TTC28: variants seen among roughly 807,000 people sequenced by gnomAD.
TTC28 encodes tetratricopeptide repeat protein 28.
In TTC28, 61 loss-of-function variants were observed where a neutral mutation model predicts 198.0. The observed-to-expected ratio is 0.31, with a 90% CI of 0.25 to 0.38. TTC28 has a LOEUF of 0.38. TTC28 is among the 10% of genes least tolerant of loss of function. The pLI, the probability that TTC28 is intolerant of heterozygous loss-of-function variation, is 1.00. For synonymous variants in TTC28, 1,171 were observed against 1,297.8 expected, an observed-to-expected ratio of 0.90 and a Z score of 2.10; for missense variants, 2,678 against 3,164.0, an observed-to-expected ratio of 0.85 and a Z score of 3.69.
intron 18 of TTC28, chr22:27,992,961 C>T (rs997073906): frequency 2.0e-5 from 11 of 556,958 alleles, no homozygotes; most frequent in Middle Eastern, 4.7e-4. Flanking sequence ...TGGGGTTGGC[C>T]GCACAGCTTC....
intron 12 of TTC28, among the ~76,000 whole-genome samples, chr22:28,058,921 T>C (rs998397992): frequency 1.3e-5 from 2 of 152,128 alleles, no homozygotes; most frequent in Non-Finnish European, 2.9e-5. Flanking sequence ...ATCCTTGTTA[T>C]GTCCATAAGA....
At chr22:28,662,333 T>C (rs75413703) in intron 1 of TTC28, among the ~76,000 whole-genome samples, 5,749 of 152,278 alleles carry the variant, frequency 0.038, 206 homozygotes, top group East Asian at 0.17. Flanking sequence ...TTAGTGATCA[T>C]ACAAATCAAA....
chr22:28,019,398 G>A (rs1938503520), intron 13 of TTC28, among the ~76,000 whole-genome samples: 1 of 152,184 alleles, frequency 6.6e-6, no homozygotes, highest in Non-Finnish European at 1.5e-5. Context: ...CATCAGGCAT[G>A]GGACAGTTAG....
At chr22:28,090,887 T>C (rs909434391) in intron 12 of TTC28, among the ~76,000 whole-genome samples, 1 of 152,086 alleles carries the variant, frequency 6.6e-6, no homozygotes, top group Non-Finnish European at 1.5e-5. Context: ...GAGTTTAAGC[T>C]CACAAAATAT....
chr22:28,637,971 TTTAA>T (rs1352322228), intron 1 of TTC28, among the ~76,000 whole-genome samples: 2 of 152,290 alleles, frequency 1.3e-5, no homozygotes, highest in East Asian at 3.9e-4. Flanking sequence ...AAAATAATTG[TTTAA>T]TTATAAAAAG....
chr22:28,282,217 T>G (rs2044597048), intron 5 of TTC28, among the ~76,000 whole-genome samples: 1 of 152,234 alleles, frequency 6.6e-6, no homozygotes, highest in Non-Finnish European at 1.5e-5. Flanking sequence ...GTTATGTGGC[T>G]GTGCTGATAT....
At chr22:28,330,040 G>A (rs918371805) in intron 2 of TTC28, among the ~76,000 whole-genome samples, 1 of 152,170 alleles carries the variant, frequency 6.6e-6, no homozygotes, top group East Asian at 1.9e-4. Flanking sequence ...AGTCCTACTG[G>A]TGATGCATTC....
intron 2 of TTC28, among the ~76,000 whole-genome samples, chr22:28,555,745 C>T (rs191778782): frequency 2.7e-4 from 41 of 152,118 alleles, no homozygotes; most frequent in East Asian, 5.8e-4. Context: ...GCATGCTGCT[C>T]GGGCGATGGG....
At chr22:27,999,320 A>C in intron 15 of TTC28, 60 bp from the exon 16 acceptor site, 1 of 1,490,328 alleles carries the variant, frequency 6.7e-7, no homozygotes, top group Non-Finnish European at 9.0e-7. Context: ...GCTGCCCGGC[A>C]GTGGTCGGCC....
At chr22:28,308,567 T>C (rs2045190131) in intron 2 of TTC28, among the ~76,000 whole-genome samples, 1 of 152,108 alleles carries the variant, frequency 6.6e-6, no homozygotes, top group East Asian at 1.9e-4. Flanking sequence ...GTCTGCCAAA[T>C]AAAAGCACTG....
intron 2 of TTC28, among the ~76,000 whole-genome samples, chr22:28,409,984 C>T (rs966109033): frequency 2.0e-5 from 3 of 151,784 alleles, no homozygotes; most frequent in East Asian, 1.9e-4. Context: ...TGCAGCAGCA[C>T]GATCTCAGTT....
In TTC28 at chr22:27,983,549, G is replaced by T; in HGVS notation, c.6118C>A (p.Gln2040Lys). Residue 2040 changes from glutamine to lysine, a missense_variant, in exon 23 of 23, where the codon CAG becomes AAG. This residue lies in a region of TTC28 where 622 missense variants were observed against 656.0 expected (regional missense o/e 0.95). Coordinates refer to ENST00000397906, the MANE Select transcript of TTC28 (RefSeq NM_001145418.2). ...YLQRSTLPRS[Q>K]LPPQTRPAGN... is the part of the protein sequence containing the mutation. The stretch of plus-strand genomic sequence containing the variant: ...GCAGGGCGGGTCTGGGGAGGCAGCT[G>T]GCTCCTAGGCAGGGTGGATCTCTGC... The T allele has an allele frequency of 6.4e-7, 1 of 1,551,364 alleles. No homozygotes were observed.
intron 13 of TTC28, 99 bp from the exon 14 acceptor site, chr22:28,014,491 A>G (rs1325747441): frequency 2.2e-6 from 3 of 1,375,446 alleles, no homozygotes; most frequent in Non-Finnish European, 2.9e-6. Flanking sequence ...AGGCAGGCTG[A>G]GGCTTCACAG....
At chr22:27,989,696 C>A (rs549136225) in intron 21 of TTC28, among the ~76,000 whole-genome samples, 182 bp downstream of exon 21, 47 of 152,290 alleles carry the variant, frequency 3.1e-4, no homozygotes, top group African/African-American at 1.1e-3. Flanking sequence ...GTTCCTCCCC[C>A]TCAGCCTCCC....
chr22:28,295,998 T>C (rs1014359853), intron 5 of TTC28, among the ~76,000 whole-genome samples, 200 bp downstream of exon 5: 6 of 152,200 alleles, frequency 3.9e-5, no homozygotes, highest in Non-Finnish European at 8.8e-5. Flanking sequence ...TCTTCTCTAT[T>C]TCTATATATC....
At chr22:28,529,695 C>T (rs536562439) in intron 2 of TTC28, among the ~76,000 whole-genome samples, 8 of 152,270 alleles carry the variant, frequency 5.3e-5, no homozygotes, top group East Asian at 1.9e-4. Context: ...GGTGCCCCTA[C>T]GAGACGAAGC....
chr22:28,210,985 C>A (rs763459992), intron 5 of TTC28, among the ~76,000 whole-genome samples: 1 of 152,176 alleles, frequency 6.6e-6, no homozygotes, highest in African/African-American at 2.4e-5. Context: ...CAATATTCAA[C>A]ATTCTTAAAA....
intron 2 of TTC28, among the ~76,000 whole-genome samples, chr22:28,468,146 A>G (rs953218855): frequency 6.6e-6 from 1 of 152,086 alleles, no homozygotes; most frequent in Non-Finnish European, 1.5e-5. Context: ...CATAAGTTCA[A>G]AAAGAAAACA....
At chr22:28,251,610 T>C (rs134189) in intron 5 of TTC28, among the ~76,000 whole-genome samples, 361 of 152,298 alleles carry the variant, frequency 2.4e-3, no homozygotes, top group Non-Finnish European at 4.1e-3. Context: ...TTCACAAATA[T>C]AGGGTGGCAT....
Sources: allele counts gnomAD v4.1 joint callset (sites outside exome capture counted in the v4.1 genomes callset), GRCh38; gene constraint gnomAD v4.1.1; regional missense constraint gnomAD v4.1.1; transcripts MANE v1.5; gene names NCBI Gene and HGNC (gene_info 2026-07-23, HGNC 2026-07-21).